TMEM217: variants seen among roughly 807,000 people sequenced by gnomAD.
TMEM217 encodes the protein chromosome 6 open reading frame 128.
For missense variants in TMEM217, 204 were observed against 248.8 expected (o/e 0.82, Z 1.21); for synonymous variants, 76 against 88.3 (o/e 0.86, Z 0.78).
chr6:37,226,313 GAC>G (rs1402432179), intron 1 of TMEM217, among the ~76,000 whole-genome samples: 1 of 65,288 alleles, frequency 1.5e-5, no homozygotes, highest in African/African-American at 6.2e-5. Flanking sequence ...TTTTTTTTGA[GAC>G]AGAGTCTCGC....
exon 1 of TMEM217, chr6:37,257,687 T>C: frequency 3.7e-6 from 2 of 544,302 alleles, no homozygotes; most frequent in Non-Finnish European, 3.3e-6. Flanking sequence ...TTCAGCGGCC[T>C]GCAGGATTCC....
chr6:37,224,891 A>G (rs1763733953), intron 1 of TMEM217, among the ~76,000 whole-genome samples: 1 of 151,940 alleles, frequency 6.6e-6, no homozygotes, highest in Non-Finnish European at 1.5e-5. Flanking sequence ...TATAAAAGTA[A>G]GGGAAGACCA....
At chr6:37,212,857 A>C, downstream of TMEM217, 2 of 1,345,924 alleles carry the variant, frequency 1.5e-6, no homozygotes, top group Non-Finnish European at 2.1e-6. Context: ...GTAGATGCTG[A>C]ACTTGGCCTC....
intron 1 of TMEM217, among the ~76,000 whole-genome samples, chr6:37,222,247 T>C (rs1330719643): frequency 1.3e-5 from 2 of 152,226 alleles, no homozygotes; most frequent in Non-Finnish European, 2.9e-5. Flanking sequence ...CTCCCTGGCC[T>C]GAGGGTGGGG....
chr6:37,234,074 T>C (rs989576382), intron 1 of TMEM217, among the ~76,000 whole-genome samples: 2 of 151,534 alleles, frequency 1.3e-5, no homozygotes, highest in African/African-American at 4.9e-5. Context: ...TAAGTTATGA[T>C]GTTTGGTAGG....
intron 1 of TMEM217, among the ~76,000 whole-genome samples, chr6:37,234,435 C>A (rs967393211): frequency 6.6e-6 from 1 of 152,196 alleles, no homozygotes; most frequent in Admixed American, 6.5e-5. Flanking sequence ...ATATTTTCAA[C>A]TTATGGGTTT....
intron 1 of TMEM217, among the ~76,000 whole-genome samples, chr6:37,243,361 GA>G (rs998544914): frequency 3.9e-5 from 6 of 151,996 alleles, no homozygotes; most frequent in Non-Finnish European, 8.8e-5. Flanking sequence ...TTGAAAGGGG[GA>G]AAAAAATGGA....
exon 2 of TMEM217, chr6:37,218,238 C>G: frequency 7.5e-7 from 1 of 1,325,334 alleles, no homozygotes. Context: ...GGCGCAATCT[C>G]GGCTCACTGC....
At chr6:37,218,950 G>A (rs770823516) in exon 2 of TMEM217, 3 of 1,614,188 alleles carry the variant, frequency 1.9e-6, no homozygotes, top group Admixed American at 1.7e-5. Flanking sequence ...TGAGATACAT[G>A]TCTACGGCCA....
At chr6:37,226,499 G>T (rs892756174) in intron 1 of TMEM217, among the ~76,000 whole-genome samples, 1 of 150,776 alleles carries the variant, frequency 6.6e-6, no homozygotes, top group Non-Finnish European at 1.5e-5. Flanking sequence ...GGGTTTCACC[G>T]TGTTAGCCAG....
rs1764226433 is a variant in TMEM217 at position 37,231,918 on chromosome 6, A to T, written c.-11-12877T>A. Among the ~76,000 whole-genome samples, 4 of 151,790 alleles carry T rather than the reference A, an allele frequency of 2.6e-5. No individual in the cohort carries two copies. The South Asian group carries it at 8.3e-4, about 32-fold the overall frequency. ...TTCCTGACTGTGTGGCTAAAAAAAAATTACAGAATCTCAGTCCCTAGCCCA... is the reference window on the plus strand; with the variant it reads ...TTCCTGACTGTGTGGCTAAAAAAAATTTACAGAATCTCAGTCCCTAGCCCA... On this transcript the variant is annotated intron_variant, in intron 1 of 1. Transcript: ENST00000357219.
chr6:37,228,566 T>A (rs1763971794), intron 1 of TMEM217, among the ~76,000 whole-genome samples: 1 of 152,058 alleles, frequency 6.6e-6, no homozygotes, highest in East Asian at 1.9e-4. Flanking sequence ...TAGCCAGACG[T>A]GGTGGCATGT....
chr6:37,241,404 A>G (rs1347935859), intron 1 of TMEM217, among the ~76,000 whole-genome samples: 1 of 152,162 alleles, frequency 6.6e-6, no homozygotes, highest in Non-Finnish European at 1.5e-5. Flanking sequence ...AGGACCTCAA[A>G]AGCGACATCT....
chr6:37,243,335 A>C (rs1339287893), intron 1 of TMEM217, among the ~76,000 whole-genome samples: 4 of 152,192 alleles, frequency 2.6e-5, no homozygotes. Flanking sequence ...TCATGTGACC[A>C]AGTCCTGAGA....
chr6:37,218,085 T>C, exon 2 of TMEM217: 2 of 1,016,350 alleles, frequency 2.0e-6, no homozygotes, highest in Non-Finnish European at 2.4e-6. Flanking sequence ...GAAATAGAAC[T>C]ACCCTGGGAA....
chr6:37,237,408 C>T (rs924818368), intron 1 of TMEM217, among the ~76,000 whole-genome samples: 2 of 152,204 alleles, frequency 1.3e-5, no homozygotes, highest in East Asian at 3.9e-4. Flanking sequence ...TATTGGTCAG[C>T]CTCTCTCTGG....
intron 1 of TMEM217, among the ~76,000 whole-genome samples, chr6:37,242,072 TG>T (rs1764796211): frequency 6.7e-6 from 1 of 148,864 alleles, no homozygotes; most frequent in African/African-American, 2.5e-5. Context: ...TAGAACCCCC[TG>T]AGTTCACCCA....
intron 1 of TMEM217, among the ~76,000 whole-genome samples, chr6:37,222,077 C>A (rs998431720): frequency 4.6e-5 from 7 of 152,328 alleles, no homozygotes; most frequent in Admixed American, 2.6e-4. Context: ...TCTCTTCGTC[C>A]TCTAGCCATC....
At chr6:37,247,191 C>T (rs1022376311) in intron 1 of TMEM217, among the ~76,000 whole-genome samples, 1 of 152,132 alleles carries the variant, frequency 6.6e-6, no homozygotes, top group Non-Finnish European at 1.5e-5. Context: ...TGTCCCTGCA[C>T]ACCATTCCTT....
Sources: gnomAD v4.1 joint callset for allele counts (sites outside exome capture counted in the v4.1 genomes callset) on GRCh38, gnomAD v4.1.1 for gene constraint, MANE v1.5 for transcripts, NCBI Gene and HGNC (gene_info 2026-07-23, HGNC 2026-07-21) for gene names.